Variants in DNAJC6 observed in about 807,000 individuals in gnomAD.
The protein encoded by DNAJC6 is auxilin.
A neutral mutation model predicts 110.0 loss-of-function variants in DNAJC6; 34 were observed. The observed-to-expected ratio is 0.31, with a 90% CI of 0.24 to 0.41. DNAJC6 has a LOEUF of 0.41. Ranked by LOEUF, DNAJC6 falls within the 10% of genes least tolerant of loss-of-function variation. The pLI is 1.00. For missense variants in DNAJC6, 1,031 were observed against 1,207.8 expected (o/e 0.85, Z 2.17); for synonymous variants, 406 against 437.2 (o/e 0.93, Z 0.89).
rs575814750 is a variant in DNAJC6, at chr1:65,267,528, G to A, written c.-131+2596G>A. 1.6e-4 allele frequency among the ~76,000 whole-genome samples: 24 copies of A among 151,948 alleles called. No individual in the cohort carries two copies. The South Asian group carries it at 4.8e-3, about 30-fold the overall frequency. On this transcript the variant is annotated intron_variant, in intron 1 of 19. Coordinates refer to the DNAJC6 transcript ENST00000263441. The stretch of plus-strand genomic sequence containing the variant: ...GTTATAGATATTTATCTTTATGCAT[G>A]TGGGTATAAGCCGTATTCTGACATC...
chr1:65,385,081 T>G (rs1645858519), intron 6 of DNAJC6, among the ~76,000 whole-genome samples: 1 of 152,198 alleles, frequency 6.6e-6, no homozygotes, highest in African/African-American at 2.4e-5. Context: ...CAGGTCTTTA[T>G]TGAAAAACAG....
rs796797174 is a variant in DNAJC6 at position 65,380,916 on chromosome 1, G to GTTTTTTTTTT, written c.666+1396_666+1397insTTTTTTTTTT. On this transcript the variant is annotated intron_variant, in intron 5 of 18. Coordinates refer to ENST00000371069, the MANE Select transcript of DNAJC6 (RefSeq NM_001256864.2). ...TTTTTTTTTTTTTGTTTTTTGTTTT[G>GTTTTTTTTTT]TTTTGTTTTTTTTTTTTTTTTGGGA... is the stretch of plus-strand genomic sequence containing the variant. Among the ~76,000 whole-genome samples the GTTTTTTTTTT allele has an allele frequency of 2.0e-3, 189 of 93,488 alleles. 16 individuals are homozygous for GTTTTTTTTTT. The highest frequency in any genetic ancestry group is 7.0e-3 in the South Asian group (20 of 2,840). The allele number at this position is 93,488 out of a possible 152,430, so 61.3% of individuals were successfully genotyped here.
chr1:65,300,581 G>A (rs879452858), intron 1 of DNAJC6, among the ~76,000 whole-genome samples: 1 of 152,170 alleles, frequency 6.6e-6, no homozygotes, highest in African/African-American at 2.4e-5. Context: ...AGAAGATGGA[G>A]AGCAACATTG....
intron 1 of DNAJC6, among the ~76,000 whole-genome samples, chr1:65,280,393 A>T (rs1238027735): frequency 6.6e-6 from 1 of 152,070 alleles, no homozygotes; most frequent in African/African-American, 2.4e-5. Context: ...AAATACTGCC[A>T]TGTTATATTT....
At chr1:65,406,180 T>G in intron 16 of DNAJC6, 47 bp downstream of exon 16, 2 of 1,577,674 alleles carry the variant, frequency 1.3e-6, no homozygotes, top group Non-Finnish European at 1.7e-6. Context: ...CCTGTCTATG[T>G]TGTCATACTG....
At chr1:65,384,171 T>C in intron 5 of DNAJC6, 22 bp from the exon 6 acceptor site, 1 of 1,444,780 alleles carries the variant, frequency 6.9e-7, no homozygotes. Flanking sequence ...TTCATAATGA[T>C]TTTATGCATT....
intron 2 of DNAJC6, among the ~76,000 whole-genome samples, chr1:65,365,305 T>A (rs945373003): frequency 1.3e-5 from 2 of 152,214 alleles, no homozygotes; most frequent in Non-Finnish European, 2.9e-5. Flanking sequence ...AAAATTCTTA[T>A]AAGCAGGTCA....
At chr1:65,311,958 C>G (rs562831224) in intron 1 of DNAJC6, among the ~76,000 whole-genome samples, 1 of 152,196 alleles carries the variant, frequency 6.6e-6, no homozygotes, top group African/African-American at 2.4e-5. Flanking sequence ...TCAGTGGGGG[C>G]AGTAACTATA....
At chr1:65,279,242 A>G in intron 1 of DNAJC6, 1 of 795,410 alleles carries the variant, frequency 1.3e-6, no homozygotes. Context: ...GATTGAACCC[A>G]GCTGTGACTC....
In DNAJC6 at chr1:65,295,902, T is replaced by G. The variant is rs146321352; in HGVS notation, c.-131+30970T>G. Among the ~76,000 whole-genome samples the G allele has an allele frequency of 3.4e-4, 52 of 152,354 alleles. No homozygotes were observed. In the East Asian group the frequency reaches 9.6e-3, roughly 28 times the overall value. On this transcript the variant is annotated intron_variant, in intron 1 of 19. Transcript: ENST00000263441. Reference sequence around the variant, plus strand: ...CATGGTAATACTCAGTAAATCCTTATGGAATTGAAAACCAACACCACTATG... The same window carrying G: ...CATGGTAATACTCAGTAAATCCTTAGGGAATTGAAAACCAACACCACTATG...
intron 1 of DNAJC6, among the ~76,000 whole-genome samples, chr1:65,353,720 A>G (rs182736605): frequency 6.6e-6 from 1 of 152,246 alleles, no homozygotes; most frequent in Admixed American, 6.5e-5. Flanking sequence ...TTTCTTAATT[A>G]GTTCTTCTAT....
chr1:65,394,942 C>T lies in DNAJC6; in HGVS notation c.1948C>T (p.Gln650Ter). 1.2e-6 allele frequency: 2 copies of T among 1,611,454 alleles called. No homozygotes were observed. The highest frequency in any genetic ancestry group is 1.7e-6 in the Non-Finnish European group (2 of 1,179,176). ...PFGAPSKPSG[Q>*]DLLGSFLNTS... ...TGGAGCACCTTCTAAACCATCAGGT[C>T]AGGATTTGCTGGGTTCTTTTCTGAA... Residue 650 changes from glutamine (Q) to a stop codon, truncating the protein, a stop_gained, in exon 13 of 19, where the codon CAG (glutamine) becomes TAG (stop). Coordinates refer to ENST00000371069, the MANE Select transcript of DNAJC6 (RefSeq NM_001256864.2). LOFTEE classifies it high-confidence loss of function.
intron 13 of DNAJC6, among the ~76,000 whole-genome samples, chr1:65,397,641 TTCTGCG>T (rs1645992177): frequency 6.6e-6 from 1 of 152,182 alleles, no homozygotes; most frequent in Non-Finnish European, 1.5e-5. Flanking sequence ...TGATACCTAC[TTCTGCG>T]TCTTAATTGG....
At chr1:65,275,412 T>C (rs1653637384) in intron 1 of DNAJC6, among the ~76,000 whole-genome samples, 1 of 152,246 alleles carries the variant, frequency 6.6e-6, no homozygotes. Flanking sequence ...CATTGTCTTC[T>C]GGTTTTCATC....
chr1:65,395,847 C>T (rs981210166), intron 13 of DNAJC6, among the ~76,000 whole-genome samples: 1 of 152,106 alleles, frequency 6.6e-6, no homozygotes, highest in Non-Finnish European at 1.5e-5. Context: ...AAGTGTGTCA[C>T]TTAGGTAACA....
At chr1:65,390,009 T>C (rs546343818) in intron 11 of DNAJC6, among the ~76,000 whole-genome samples, 6 of 151,568 alleles carry the variant, frequency 4.0e-5, no homozygotes, top group Non-Finnish European at 8.8e-5. Flanking sequence ...CAAAACTCCA[T>C]CTCTAAAAAA....
upstream of DNAJC6, among the ~76,000 whole-genome samples, chr1:65,308,200 A>G (rs574715866): frequency 2.0e-5 from 3 of 152,324 alleles, no homozygotes; most frequent in South Asian, 6.2e-4. Flanking sequence ...GGTGATTGAT[A>G]TAAGGACAGC....
In DNAJC6 at chr1:65,348,987, AAT is replaced by A. The variant is rs201096673; in HGVS notation, c.194-15641_194-15640del. The stretch of plus-strand genomic sequence containing the variant: ...ATATAAATATATATGTAAATATATA[AAT>A]ATATATGTAAATATATATAAGTATA... On this transcript the variant is annotated intron_variant, in intron 1 of 18. Coordinates refer to ENST00000371069, the MANE Select transcript of DNAJC6 (RefSeq NM_001256864.2). 6.6e-3 allele frequency among the ~76,000 whole-genome samples: 967 copies of A among 145,724 alleles called. 12 individuals carry two copies. The highest frequency in any genetic ancestry group is 0.023 in the African/African-American group (922 of 40,300).
intron 8 of DNAJC6, 30 bp from the exon 9 acceptor site, chr1:65,388,306 T>C: frequency 1.4e-5 from 23 of 1,587,854 alleles, no homozygotes; most frequent in Non-Finnish European, 1.8e-5. Context: ...CGCTGATTGA[T>C]TGTAATGTGC....
Sources: gnomAD v4.1 joint callset for allele counts (sites outside exome capture counted in the v4.1 genomes callset) on GRCh38, gnomAD v4.1.1 for gene constraint, MANE v1.5 for transcripts, NCBI Gene and HGNC (gene_info 2026-07-23, HGNC 2026-07-21) for gene names.